The following PRDM16 variants were observed in gnomAD, a reference collection of about 807,000 sequenced individuals.
PRDM16 encodes histone-lysine N-methyltransferase PRDM16.
PRDM16 carries 23 observed loss-of-function variants against 110.6 expected under a neutral mutation model. That is an observed-to-expected ratio of 0.21 (90% confidence interval 0.15 to 0.29). The LOEUF (loss-of-function observed/expected upper bound fraction) is 0.29, where lower values mean the gene tolerates loss of function less well. Among genes scored for constraint, PRDM16 ranks in the 10% least tolerant of loss-of-function variants. The pLI is 1.00. For synonymous variants in PRDM16, 799 were observed against 781.8 expected (o/e 1.02, Z -0.37); for missense variants, 1,615 against 1,794.3 (o/e 0.90, Z 1.81).
chr1:3,182,993 G>A (rs997981336), intron 1 of PRDM16, among the ~76,000 whole-genome samples: 1 of 152,162 alleles, frequency 6.6e-6, no homozygotes, highest in Admixed American at 6.5e-5. Context: ...TTCTAGAAAT[G>A]ATGGCCTCAG....
intron 3 of PRDM16, among the ~76,000 whole-genome samples, chr1:3,344,860 T>C (rs1342679151): frequency 6.6e-6 from 1 of 152,254 alleles, no homozygotes; most frequent in Non-Finnish European, 1.5e-5. Context: ...TCTAAGTTGA[T>C]GGGACTCAAA....
At chr1:3,314,964 T>C (rs1641565046) in intron 3 of PRDM16, among the ~76,000 whole-genome samples, 1 of 152,118 alleles carries the variant, frequency 6.6e-6, no homozygotes. Flanking sequence ...ATGTGCGGAT[T>C]AGCCATATCC....
At position 3,370,818 on chromosome 1, in the gene PRDM16, C is replaced by T. The variant is rs114410381; in HGVS notation, c.439-14334C>T. On this transcript the variant is annotated intron_variant, in intron 3 of 16. Coordinates refer to ENST00000270722, the MANE Select transcript of PRDM16 (RefSeq NM_022114.4). The surrounding 1 kb of genome is among the most constrained non-coding windows in gnomAD (Gnocchi z 4.8). ...CCATCCATCCACTCATTTATTAATC[C>T]ATCCACCATCTATTCATCCATCCGT... Among the ~76,000 whole-genome samples, 999 of 152,212 alleles carry T rather than the reference C, an allele frequency of 6.6e-3. 10 individuals carry two copies. Among genetic ancestry groups the T allele is most frequent in the African/African-American group, 0.023 (949 of 41,514 alleles).
At chr1:3,367,224 G>A (rs899016585) in intron 3 of PRDM16, among the ~76,000 whole-genome samples, 1 of 152,016 alleles carries the variant, frequency 6.6e-6, no homozygotes, top group African/African-American at 2.4e-5. Context: ...AGCCGAGATG[G>A]CACCATTGCA....
chr1:3,198,040 T>C (rs1638524319), intron 2 of PRDM16, among the ~76,000 whole-genome samples: 1 of 152,014 alleles, frequency 6.6e-6, no homozygotes, highest in Admixed American at 6.5e-5. Context: ...CAACCAGAGA[T>C]GAGGGTGACG....
chr1:3,181,496 G>C (rs147115609), intron 1 of PRDM16, among the ~76,000 whole-genome samples: 1 of 13,808 alleles, frequency 7.2e-5, no homozygotes, highest in African/African-American at 1.8e-4. Context: ...ACAGCCTTAC[G>C]CATGGTCTTA....
chr1:3,425,747 C>T lies in PRDM16; in HGVS notation c.3106C>T (p.Pro1036Ser), dbSNP rs375442968. The T allele has an allele frequency of 5.8e-5, 94 of 1,613,350 alleles. No individual in the cohort carries two copies. The Middle Eastern group carries it at 9.9e-4, about 17-fold the overall frequency. ...CAAGAAGCACGAGCACGAGAACGCA[C>T]CAGGTGGGCCACGCGGGGTGGGGCA... Reference protein sequence around the residue: ...HLKKHEHENAPVSQHPGVLTN... With the variant: ...HLKKHEHENASVSQHPGVLTN... The change falls in exon 13 of 17, where the codon CCA (proline) becomes TCA (serine). Residue 1036 changes from proline to serine, a missense_variant. By Grantham distance (74) the Pro-to-Ser change is moderately conservative. Transcript: ENST00000270722. The surrounding 1 kb of genome is among the most constrained non-coding windows in gnomAD (Gnocchi z 6.9).
chr1:3,329,024 C>T (rs977495479), intron 3 of PRDM16, among the ~76,000 whole-genome samples: 1 of 135,040 alleles, frequency 7.4e-6, no homozygotes, highest in South Asian at 2.6e-4. Flanking sequence ...CCCTTTCCCC[C>T]CAGGCGAGGA....
chr1:3,407,022 A>G (rs1343313407), intron 8 of PRDM16, among the ~76,000 whole-genome samples: 1 of 152,208 alleles, frequency 6.6e-6, no homozygotes, highest in African/African-American at 2.4e-5. Flanking sequence ...CAGGCTGTGG[A>G]GCCCAAATTT....
At chr1:3,376,299 T>A (rs1434525415) in intron 3 of PRDM16, among the ~76,000 whole-genome samples, 1 of 152,208 alleles carries the variant, frequency 6.6e-6, no homozygotes, top group African/African-American at 2.4e-5. Flanking sequence ...GTGACTCTTT[T>A]TCTAGCGCGT....
rs1642458213 is a variant in PRDM16, at chr1:3,350,354, T to A, written c.439-34798T>A. ...AAAATGAAAAGAAAAGATCTGGAAGTGGGAGGGGAGGCGGCTCTCTACCTC... is the reference window on the plus strand; with the variant it reads ...AAAATGAAAAGAAAAGATCTGGAAGAGGGAGGGGAGGCGGCTCTCTACCTC... On this transcript the variant is annotated intron_variant, in intron 3 of 16. Transcript: ENST00000270722. The surrounding 1 kb of genome is among the most constrained non-coding windows in gnomAD (Gnocchi z 7.1). 6.6e-6 allele frequency among the ~76,000 whole-genome samples: 1 copy of A among 151,828 alleles called. No individual in the cohort carries two copies. The highest frequency in any genetic ancestry group is 1.5e-5 in the Non-Finnish European group (1 of 67,934).
intron 1 of PRDM16, among the ~76,000 whole-genome samples, chr1:3,130,750 C>T (rs1045799984): frequency 2.0e-5 from 3 of 149,872 alleles, no homozygotes; most frequent in Non-Finnish European, 3.0e-5. Flanking sequence ...CCTTTTCCCC[C>T]GTGAGCTGCA....
intron 2 of PRDM16, among the ~76,000 whole-genome samples, chr1:3,192,308 G>T (rs888986173): frequency 7.9e-5 from 12 of 152,194 alleles, no homozygotes; most frequent in African/African-American, 2.9e-4. Context: ...GGTGCCTGCA[G>T]GCCTTGCTTC....
At chr1:3,123,701 G>C (rs892861220) in intron 1 of PRDM16, among the ~76,000 whole-genome samples, 3 of 152,232 alleles carry the variant, frequency 2.0e-5, no homozygotes, top group African/African-American at 4.8e-5. Context: ...CGGCTGTGAG[G>C]GTGGCAACAT....
intron 6 of PRDM16, among the ~76,000 whole-genome samples, chr1:3,403,247 C>A (rs978768925): frequency 6.6e-6 from 1 of 152,282 alleles, no homozygotes; most frequent in East Asian, 1.9e-4. Flanking sequence ...TGGCTCCGAC[C>A]GCAAATGTCC....
At chr1:3,151,615 G>A (rs942546724) in intron 1 of PRDM16, among the ~76,000 whole-genome samples, 2 of 152,244 alleles carry the variant, frequency 1.3e-5, no homozygotes, top group Non-Finnish European at 2.9e-5. Context: ...CAGGACCTGG[G>A]GCAGAGGCCA....
At chr1:3,422,509 G>A (rs1638468265) in intron 12 of PRDM16, among the ~76,000 whole-genome samples, 1 of 152,270 alleles carries the variant, frequency 6.6e-6, no homozygotes, top group South Asian at 2.1e-4. Flanking sequence ...TTGCATCCGG[G>A]CTGGAGACGC....
At chr1:3,308,239 A>G (rs2483258) in intron 3 of PRDM16, 124,683 of 152,330 alleles carry the variant, frequency 0.82, 51,656 homozygotes, top group East Asian at 0.99. Context: ...CCCTCCTCCA[A>G]CCCAGTGCTG....
chr1:3,418,127 TG>T, intron 11 of PRDM16, 130 bp downstream of exon 11: 1 of 757,100 alleles, frequency 1.3e-6, no homozygotes. Context: ...TGCAATCAGC[TG>T]GTTATCTGCT....
Sources: gnomAD v4.1 joint callset for allele counts (sites outside exome capture counted in the v4.1 genomes callset) on GRCh38, gnomAD v4.1.1 for gene constraint, Gnocchi (gnomAD v3.1) non-coding constraint, MANE v1.5 for transcripts, NCBI Gene and HGNC (gene_info 2026-07-23, HGNC 2026-07-21) for gene names.